Variants in PCSK6 observed in about 807,000 individuals in gnomAD.
PCSK6 encodes the protein paired basic amino acid cleaving enzyme 4.
A neutral mutation model predicts 123.3 loss-of-function variants in PCSK6; 85 were observed. That is an observed-to-expected ratio of 0.69 (90% confidence interval 0.58 to 0.83). The LOEUF (loss-of-function observed/expected upper bound fraction) is 0.83, where lower values mean the gene tolerates loss of function less well. PCSK6 is among the 40% of genes least tolerant of loss of function. The pLI is 0.00. For synonymous variants in PCSK6, 508 were observed against 516.0 expected (o/e 0.98, Z 0.21); for missense variants, 1,191 against 1,282.3 (o/e 0.93, Z 1.09).
At chr15:101,468,225 A>C (rs9806369) in intron 1 of PCSK6, among the ~76,000 whole-genome samples, 122,437 of 151,914 alleles carry the variant, frequency 0.81, 49,698 homozygotes, top group Non-Finnish European at 0.85. Flanking sequence ...GTAGTAAATG[A>C]GATCAAGCCC....
chr15:101,373,217 G>T (rs2041636062), intron 11 of PCSK6, among the ~76,000 whole-genome samples: 1 of 152,144 alleles, frequency 6.6e-6, no homozygotes. Context: ...CTGCCTGCAG[G>T]GAGGCTGGCT....
chr15:101,478,730 G>A (rs181755034), intron 1 of PCSK6, among the ~76,000 whole-genome samples: 2 of 152,324 alleles, frequency 1.3e-5, no homozygotes, highest in Admixed American at 1.3e-4. Flanking sequence ...GTCCCTGCAG[G>A]TGACACTGGA....
At chr15:101,466,046 A>T (rs1450527407) in intron 1 of PCSK6, among the ~76,000 whole-genome samples, 1 of 152,138 alleles carries the variant, frequency 6.6e-6, no homozygotes, top group Non-Finnish European at 1.5e-5. Flanking sequence ...AAGACAGAGA[A>T]TGTCAGAGTG....
chr15:101,476,216 C>A (rs2057726962), intron 1 of PCSK6, among the ~76,000 whole-genome samples: 1 of 152,190 alleles, frequency 6.6e-6, no homozygotes, highest in African/African-American at 2.4e-5. Context: ...TGAAAAGTTA[C>A]TTGGTACACA....
intron 3 of PCSK6, 135 bp downstream of exon 3, chr15:101,431,855 G>A: frequency 1.4e-6 from 1 of 725,032 alleles, no homozygotes; most frequent in South Asian, 1.7e-5. Flanking sequence ...TGCGGTAGTG[G>A]TTTTACACCC....
Position 101,489,443 on chromosome 15 carries a change from C to T in PCSK6, c.228G>A (p.Val76=). 8.0e-7 allele frequency: 1 copy of T among 1,246,602 alleles called. No individual in the cohort carries two copies. The highest frequency in any genetic ancestry group is 1.7e-5 in the South Asian group (1 of 60,548). The allele number at this position is 1,246,602 out of a possible 1,614,324, so 77.2% of individuals were successfully genotyped here. A position where few individuals can be genotyped will look rare whatever the true frequency, so the allele number is the denominator to read the frequency against. ...CCTCGGCCGGGCCGCCCAGCACTTG[C>T]ACCGCCCAGTGGTTGGTGTAGACGG... ...PRPVYTNHWA[V]QVLGGPAEAD... The change falls in exon 1 of 22, where the codon GTG becomes GTA. Residue 76 remains valine (V), a synonymous_variant. Transcript: ENST00000611716.
At chr15:101,401,244 G>A (rs1447154068) in intron 6 of PCSK6, among the ~76,000 whole-genome samples, 1 of 152,230 alleles carries the variant, frequency 6.6e-6, no homozygotes, top group Admixed American at 6.5e-5. Flanking sequence ...CGTGGGCGTG[G>A]GCAGCGATGG....
At chr15:101,422,714 C>T (rs566410342) in intron 6 of PCSK6, among the ~76,000 whole-genome samples, 90 of 152,212 alleles carry the variant, frequency 5.9e-4, no homozygotes, top group South Asian at 4.6e-3. Flanking sequence ...CTCTGCCTCC[C>T]GGGTTCACGC....
Position 101,475,965 on chromosome 15 carries a change from G to A in PCSK6, c.297+13409C>T, listed in dbSNP as rs192417094. 4.6e-5 allele frequency among the ~76,000 whole-genome samples: 7 copies of A among 152,320 alleles called. No homozygotes were observed. In the East Asian group the frequency reaches 1.2e-3, roughly 25 times the overall value. ...TGTCAACTGGCACTATCTGTTGGGA[G>A]AGCCATGGCCAACATCTAACACAAT... On this transcript the variant is annotated intron_variant, in intron 1 of 21. Transcript: ENST00000611716.
chr15:101,367,486 G>C (rs1233365745), intron 12 of PCSK6, among the ~76,000 whole-genome samples: 48 of 152,198 alleles, frequency 3.2e-4, no homozygotes, highest in Admixed American at 3.1e-3. Context: ...CTTTGCAATG[G>C]AGAAGAGTGA....
At chr15:101,460,598 T>G (rs2057318961) in intron 1 of PCSK6, among the ~76,000 whole-genome samples, 1 of 152,162 alleles carries the variant, frequency 6.6e-6, no homozygotes, top group South Asian at 2.1e-4. Context: ...AGAATAACAT[T>G]TCTCTCTAGA....
intron 10 of PCSK6, 109 bp downstream of exon 10, chr15:101,384,209 CAATT>C (rs968815775): frequency 2.0e-6 from 3 of 1,504,520 alleles, no homozygotes; most frequent in African/African-American, 2.8e-5. Context: ...TTGTGACACA[CAATT>C]AATAATAACA....
chr15:101,366,278 G>C lies in PCSK6; in HGVS notation c.1776C>G (p.His592Gln), dbSNP rs1047637838. The change falls in exon 13 of 22, where the codon CAC becomes CAG. Residue 592 changes from histidine to glutamine, a missense_variant. Transcript: ENST00000611716. ...GFTNWEFMTV[H>Q]CWGEKAEGQW... ...GCCCTTCAGCCTTTTCTCCCCAGCA[G>C]TGGACAGTCATGAATTCCCAGTTTG... 3.7e-6 allele frequency: 6 copies of C among 1,613,790 alleles called. No individual in the cohort carries two copies. The highest frequency in any genetic ancestry group is 1.7e-5 in the Admixed American group (1 of 59,994).
At chr15:101,380,579 G>T (rs778499849) in intron 11 of PCSK6, among the ~76,000 whole-genome samples, 5 of 152,234 alleles carry the variant, frequency 3.3e-5, no homozygotes, top group African/African-American at 4.8e-5. Context: ...GTGTCTGGCC[G>T]ACCTGTCGGG....
chr15:101,365,092 G>T, intron 13 of PCSK6: 1 of 724,520 alleles, frequency 1.4e-6, no homozygotes, highest in Non-Finnish European at 2.6e-6. Flanking sequence ...TGGAACAAAT[G>T]GGTACAAAAG....
chr15:101,333,381 G>A (rs1379446913), intron 13 of PCSK6, among the ~76,000 whole-genome samples: 2 of 152,236 alleles, frequency 1.3e-5, no homozygotes, highest in Non-Finnish European at 2.9e-5. Context: ...CCCTCAGTGG[G>A]CCCTCATGAC....
chr15:101,332,159 G>A, intron 13 of PCSK6, 128 bp from the exon 14 acceptor site: 1 of 792,030 alleles, frequency 1.3e-6, no homozygotes, highest in South Asian at 1.9e-5. Context: ...TCACTTCCTG[G>A]TTACCTGCTG....
chr15:101,342,901 C>CA (rs34993074), intron 13 of PCSK6, among the ~76,000 whole-genome samples: 27,708 of 123,850 alleles, frequency 0.22, 2,947 homozygotes, highest in African/African-American at 0.34. Flanking sequence ...GACTCCGTCT[C>CA]AAAAAAAAAA....
At chr15:101,422,660 G>A (rs956282461) in intron 6 of PCSK6, among the ~76,000 whole-genome samples, 4 of 148,976 alleles carry the variant, frequency 2.7e-5, no homozygotes, top group East Asian at 2.0e-4. Context: ...TCGCTCTGTC[G>A]CCCAGGCTGG....
Sources: gnomAD v4.1 joint callset for allele counts (sites outside exome capture counted in the v4.1 genomes callset) on GRCh38, gnomAD v4.1.1 for gene constraint, MANE v1.5 for transcripts, NCBI Gene and HGNC (gene_info 2026-07-23, HGNC 2026-07-21) for gene names.